The following FOXP2 variants were observed in gnomAD, a reference collection of about 807,000 sequenced individuals.
FOXP2 encodes forkhead box P2.
Under a neutral mutation model 115.8 loss-of-function variants are expected in FOXP2, and 12 were observed. The observed-to-expected ratio is 0.10, with a 90% CI of 0.07 to 0.17. The LOEUF (loss-of-function observed/expected upper bound fraction) is 0.17, where lower values mean the gene tolerates loss of function less well. Ranked by LOEUF, FOXP2 falls within the 10% of genes least tolerant of loss-of-function variation. FOXP2 has a pLI of 1.00. For missense variants in FOXP2, 629 were observed against 843.5 expected (o/e 0.75, Z 3.15); for synonymous variants, 328 against 297.7 (o/e 1.10, Z -1.05).
intron 1 of FOXP2, among the ~76,000 whole-genome samples, chr7:114,154,555 T>C: frequency 6.6e-6 from 1 of 152,088 alleles, no homozygotes; most frequent in East Asian, 1.9e-4. Flanking sequence ...GACTCTACAG[T>C]TAAAAATGTG....
At chr7:114,476,496 A>C (rs1451434116) in intron 2 of FOXP2, among the ~76,000 whole-genome samples, 1 of 152,016 alleles carries the variant, frequency 6.6e-6, no homozygotes. Flanking sequence ...TTTTTATATC[A>C]GTACCATGCT....
chr7:114,563,200 C>G (rs1800839658), intron 3 of FOXP2, among the ~76,000 whole-genome samples: 2 of 152,156 alleles, frequency 1.3e-5, no homozygotes, highest in Admixed American at 1.3e-4. Flanking sequence ...AACTACAATT[C>G]AAGATGAGAT....
At chr7:114,580,256 G>A (rs1177313803) in intron 3 of FOXP2, among the ~76,000 whole-genome samples, 1 of 152,168 alleles carries the variant, frequency 6.6e-6, no homozygotes, top group Admixed American at 6.5e-5. Flanking sequence ...TTAACTAGGG[G>A]AAGGATAGGA....
At chr7:114,580,904 G>C (rs569306465) in intron 3 of FOXP2, among the ~76,000 whole-genome samples, 1 of 152,120 alleles carries the variant, frequency 6.6e-6, no homozygotes, top group African/African-American at 2.4e-5. Context: ...CAGGAGACTA[G>C]AGTCCCATAA....
At chr7:114,571,474 A>T (rs912152401) in intron 3 of FOXP2, among the ~76,000 whole-genome samples, 3 of 151,850 alleles carry the variant, frequency 2.0e-5, no homozygotes, top group Non-Finnish European at 4.4e-5. Context: ...TTGAGCATAG[A>T]TTCTACCTGC....
At chr7:114,465,791 C>T (rs1432330009) in intron 2 of FOXP2, among the ~76,000 whole-genome samples, 1 of 152,158 alleles carries the variant, frequency 6.6e-6, no homozygotes, top group Non-Finnish European at 1.5e-5. Context: ...AGGCCATGTT[C>T]TAACTTCATT....
intron 2 of FOXP2, among the ~76,000 whole-genome samples, chr7:114,468,438 AAGGTG>A (rs1334254203): frequency 1.3e-5 from 2 of 152,158 alleles, no homozygotes; most frequent in Non-Finnish European, 2.9e-5. Flanking sequence ...CAAACTACTT[AAGGTG>A]ACATTGACAT....
intron 2 of FOXP2, among the ~76,000 whole-genome samples, chr7:114,366,197 A>T (rs1791877752): frequency 6.6e-6 from 1 of 152,140 alleles, no homozygotes; most frequent in Non-Finnish European, 1.5e-5. Context: ...TTTGGTCTAT[A>T]GCCACAGATT....
intron 16 of FOXP2, 109 bp downstream of exon 16, chr7:114,664,545 T>A: frequency 7.7e-7 from 1 of 1,298,926 alleles, no homozygotes. Flanking sequence ...AAATACAAAT[T>A]TAAGTGGAGT....
intron 3 of FOXP2, among the ~76,000 whole-genome samples, chr7:114,619,207 G>T (rs1471248515): frequency 1.4e-5 from 2 of 143,856 alleles, no homozygotes; most frequent in Non-Finnish European, 3.2e-5. Context: ...CTCTGGTGTG[G>T]TATAATTGTT....
intron 2 of FOXP2, among the ~76,000 whole-genome samples, chr7:114,442,853 A>G (rs1185002286): frequency 6.6e-6 from 1 of 152,174 alleles, no homozygotes; most frequent in Non-Finnish European, 1.5e-5. Context: ...ACATAATTCC[A>G]TTGTATTTTT....
intron 1 of FOXP2, among the ~76,000 whole-genome samples, chr7:114,281,095 A>ATTTTTTTTTTTTTTT (rs71157578): frequency 1.1e-5 from 1 of 92,858 alleles, no homozygotes; most frequent in Non-Finnish European, 2.0e-5. Flanking sequence ...TGCAATTTGA[A>ATTTTTTTTTTTTTTT]TTTTTTTTTT....
At chr7:114,160,753 G>A (rs1462996014), upstream of FOXP2, among the ~76,000 whole-genome samples, 4 of 150,476 alleles carry the variant, frequency 2.7e-5, no homozygotes, top group African/African-American at 9.8e-5. Context: ...ATATAAATGG[G>A]ATTTTCTCTA....
intron 2 of FOXP2, among the ~76,000 whole-genome samples, chr7:114,302,659 G>A (rs1051556266): frequency 1.3e-5 from 2 of 152,268 alleles, no homozygotes; most frequent in African/African-American, 4.8e-5. Flanking sequence ...TCCAATGAGT[G>A]AGGGCAGAAC....
chr7:114,235,820 G>A (rs564502214), intron 1 of FOXP2, among the ~76,000 whole-genome samples: 9 of 152,264 alleles, frequency 5.9e-5, no homozygotes, highest in African/African-American at 2.2e-4. Flanking sequence ...GGGCCAAACA[G>A]CCCACCTATT....
At chr7:114,269,612 A>C (rs1276113045) in intron 1 of FOXP2, among the ~76,000 whole-genome samples, 3 of 152,110 alleles carry the variant, frequency 2.0e-5, no homozygotes, top group Non-Finnish European at 4.4e-5. Flanking sequence ...TTTAATGTAT[A>C]AATAACATGA....
rs368923204 is a variant in FOXP2, at chr7:114,176,298, T to TTCTTTCTTTCTCTCTCTCTCTC, written c.-102+13213_-102+13214insTTCTTTCTCTCTCTCTCTCTCT. On this transcript the variant is annotated intron_variant, in intron 1 of 17. Transcript: ENST00000634411. Reference sequence around the variant, plus strand: ...TTTCTTTCTTTCTTTCTTTCTTTCTTTCTCTCTCTCTCTCTCTCTCTCTTT... The same window carrying TTCTTTCTTTCTCTCTCTCTCTC: ...TTTCTTTCTTTCTTTCTTTCTTTCTTTCTTTCTTTCTCTCTCTCTCTCTCTCTCTCTCTCTCTCTCTCTCTTT... Among the ~76,000 whole-genome samples the TTCTTTCTTTCTCTCTCTCTCTC allele has an allele frequency of 4.0e-4, 31 of 76,576 alleles. 1 individual carries two copies. The highest frequency in any genetic ancestry group is 1.6e-3 in the African/African-American group (29 of 18,514). 50.2% of individuals were successfully genotyped at this position (76,576 alleles called of 152,430 possible).
intron 2 of FOXP2, among the ~76,000 whole-genome samples, chr7:114,378,684 C>CAAAAAAAAAAAA (rs398005920): frequency 0.16 from 2,903 of 17,974 alleles, 567 homozygotes; most frequent in East Asian, 0.57. Context: ...ACCCTGTCTC[C>CAAAAAAAAAAAA]AAAAAAAAAA....
intron 1 of FOXP2, among the ~76,000 whole-genome samples, chr7:114,098,952 T>G (rs1437047634): frequency 6.6e-6 from 1 of 152,040 alleles, no homozygotes; most frequent in East Asian, 1.9e-4. Context: ...ATGGGCAACA[T>G]GGTGAAACCA....
Sources: gnomAD v4.1 joint callset for allele counts (sites outside exome capture counted in the v4.1 genomes callset) on GRCh38, gnomAD v4.1.1 for gene constraint, MANE v1.5 for transcripts, NCBI Gene and HGNC (gene_info 2026-07-23, HGNC 2026-07-21) for gene names.